Variants in SLC4A5 observed in about 807,000 individuals in gnomAD.
The protein encoded by SLC4A5 is electrogenic sodium bicarbonate cotransporter 4.
In SLC4A5, 96 loss-of-function variants were observed where a neutral mutation model predicts 120.4. The observed-to-expected ratio is 0.80, with a 90% confidence interval of 0.68 to 0.94. The LOEUF (loss-of-function observed/expected upper bound fraction) is 0.94. Ranked by LOEUF, SLC4A5 falls within the 40% of genes least tolerant of loss-of-function variation. The pLI, the probability that SLC4A5 is intolerant of heterozygous loss-of-function variation, is 0.00. For missense variants in SLC4A5, 1,259 were observed against 1,459.5 expected, an observed-to-expected ratio of 0.86 and a Z score of 2.24; for synonymous variants, 550 against 571.1, an observed-to-expected ratio of 0.96 and a Z score of 0.53.
chr2:74,264,330 G>A (rs1250281667), intron 9 of SLC4A5, 31 bp from the exon 10 acceptor site: 5 of 1,603,770 alleles, frequency 3.1e-6, no homozygotes, highest in African/African-American at 2.7e-5. Flanking sequence ...CCTCATCCCT[G>A]TGGGACAGAA....
chr2:74,339,346 T>C (rs1339179977), intron 2 of SLC4A5: 1 of 152,182 alleles, frequency 6.6e-6, no homozygotes, highest in African/African-American at 2.4e-5. Context: ...CATTTACCTA[T>C]GTAACAAACC....
At chr2:74,244,205 G>C (rs902303185) in intron 19 of SLC4A5, among the ~76,000 whole-genome samples, 1 of 152,158 alleles carries the variant, frequency 6.6e-6, no homozygotes, top group East Asian at 1.9e-4. Context: ...TTTCTGTGAA[G>C]AAACTGAAAT....
At chr2:74,314,021 G>T (rs891939638) in intron 6 of SLC4A5, among the ~76,000 whole-genome samples, 1 of 152,150 alleles carries the variant, frequency 6.6e-6, no homozygotes, top group African/African-American at 2.4e-5. Flanking sequence ...CTTCTGAAAA[G>T]ATAGAATGGG....
At chr2:74,254,832 TTG>T in intron 13 of SLC4A5, 126 bp from the exon 14 acceptor site, 1 of 693,278 alleles carries the variant, frequency 1.4e-6, no homozygotes, top group Non-Finnish European at 2.4e-6. Flanking sequence ...TTTTTTTTTT[TTG>T]AGACAGGGTC....
chr2:74,222,432 AC>A (rs1246257621), intron 29 of SLC4A5, among the ~76,000 whole-genome samples: 1 of 152,170 alleles, frequency 6.6e-6, no homozygotes, highest in Non-Finnish European at 1.5e-5. Context: ...TCTGCCAAGG[AC>A]AAAGGTCTTC....
rs148850519 is a variant in SLC4A5 at position 74,304,949 on chromosome 2, G to T, written c.80-269C>A. Reference sequence around the variant, plus strand: ...CCATTCCCCCGTTCTTGCTTGTCCGGAACAGTGATTACTGGATATGGCTTA... The same window carrying T: ...CCATTCCCCCGTTCTTGCTTGTCCGTAACAGTGATTACTGGATATGGCTTA... On this transcript the variant is annotated intron_variant, in intron 6 of 30. Transcript: ENST00000394019. 5.0e-3 allele frequency among the ~76,000 whole-genome samples: 763 copies of T among 152,262 alleles called. 5 individuals carry two copies. Among genetic ancestry groups the T allele is most frequent in the Non-Finnish European group, 7.0e-3 (476 of 68,016 alleles).
intron 8 of SLC4A5, among the ~76,000 whole-genome samples, chr2:74,276,251 C>T (rs1671636813): frequency 6.6e-6 from 1 of 152,104 alleles, no homozygotes; most frequent in Admixed American, 6.5e-5. Context: ...TCTGTCTGGC[C>T]ATTAACTGAA....
chr2:74,304,550 C>A (rs1378763309), exon 7 of SLC4A5: 3 of 1,614,212 alleles, frequency 1.9e-6, no homozygotes, highest in Non-Finnish European at 2.5e-6. Context: ...CTGGGCCAGT[C>A]AGTTCCTGCT....
In SLC4A5 at chr2:74,304,640, G is replaced by T. The variant is rs763906856; in HGVS notation, c.120C>A (p.Tyr40Ter). The change falls in exon 7 of 31, where the codon TAC (tyrosine) becomes TAA (stop). Residue 40 changes from tyrosine to a stop codon, truncating the protein, a stop_gained. Transcript: ENST00000394019. LOFTEE classifies it high-confidence loss of function. ...CCTTCTGGTCAGTTTTTCTTTGAGG[G>T]TAAGTGGGTACTGGAAGCCCAATGT... 1.2e-6 allele frequency: 2 copies of T among 1,614,136 alleles called. No individual in the cohort carries two copies. Among genetic ancestry groups the T allele is most frequent in the South Asian group, 1.1e-5 (1 of 91,060 alleles).
chr2:74,225,968 C>T (rs1694828423), intron 27 of SLC4A5, among the ~76,000 whole-genome samples: 1 of 152,218 alleles, frequency 6.6e-6, no homozygotes, highest in African/African-American at 2.4e-5. Flanking sequence ...GAACAGTACT[C>T]AGTAAATGCT....
chr2:74,320,304 G>A (rs980313101), intron 5 of SLC4A5, among the ~76,000 whole-genome samples: 7 of 151,966 alleles, frequency 4.6e-5, no homozygotes, highest in Non-Finnish European at 1.0e-4. Context: ...AAGAACTTTC[G>A]ATCAGCTCAG....
At chr2:74,284,062 G>C (rs563389147) in intron 8 of SLC4A5, among the ~76,000 whole-genome samples, 3 of 151,732 alleles carry the variant, frequency 2.0e-5, no homozygotes, top group Non-Finnish European at 4.4e-5. Flanking sequence ...TGTCCAGGCT[G>C]GTCTTGAACT....
chr2:74,263,934 T>C (rs1335673489), intron 10 of SLC4A5, among the ~76,000 whole-genome samples: 1 of 152,236 alleles, frequency 6.6e-6, no homozygotes, highest in Non-Finnish European at 1.5e-5. Flanking sequence ...GGGAACCAAC[T>C]CTCTCCCTAG....
chr2:74,243,081 A>G (rs1032764647), intron 19 of SLC4A5, among the ~76,000 whole-genome samples: 11 of 152,190 alleles, frequency 7.2e-5, no homozygotes, highest in Non-Finnish European at 1.6e-4. Flanking sequence ...AGAATCGGGA[A>G]CCCAAAGGTG....
chr2:74,325,633 G>T (rs550070747), intron 5 of SLC4A5, among the ~76,000 whole-genome samples: 63 of 152,250 alleles, frequency 4.1e-4, no homozygotes, highest in Non-Finnish European at 7.1e-4. Context: ...CATATAATGT[G>T]TATTAGTTGA....
intron 16 of SLC4A5, 127 bp downstream of exon 16, chr2:74,252,052 G>C: frequency 9.9e-7 from 1 of 1,011,536 alleles, no homozygotes. Flanking sequence ...GGCTCTGGGA[G>C]GGAAAGAAGG....
At chr2:74,318,439 C>A (rs12615023) in intron 5 of SLC4A5, among the ~76,000 whole-genome samples, 20,533 of 152,160 alleles carry the variant, frequency 0.13, 1,790 homozygotes, top group East Asian at 0.47. Flanking sequence ...AATCCCAGCA[C>A]TTTGGGAGGC....
At chr2:74,338,269 G>A (rs1490867023) in intron 3 of SLC4A5, among the ~76,000 whole-genome samples, 1 of 152,044 alleles carries the variant, frequency 6.6e-6, no homozygotes, top group Non-Finnish European at 1.5e-5. Context: ...CATGGATGGG[G>A]GTTTGTCTCT....
chr2:74,246,960 T>C lies in SLC4A5; in HGVS notation c.2059+76A>G. 2.6e-6 allele frequency: 4 copies of C among 1,553,260 alleles called. No individual in the cohort carries two copies. The South Asian group carries it at 3.6e-5, about 14-fold the overall frequency. ...AATGGCCCCTCCCCAGCAGTAGAAG[T>C]AGAGAGCTGTGGTGAAGGATCAGGG... is the stretch of plus-strand genomic sequence containing the variant. On this transcript the variant is annotated intron_variant, in intron 19 of 30. Coordinates refer to ENST00000394019, the Ensembl canonical transcript of SLC4A5.
Sources: allele counts gnomAD v4.1 joint callset (sites outside exome capture counted in the v4.1 genomes callset), GRCh38; gene constraint gnomAD v4.1.1; transcripts MANE v1.5; gene names NCBI Gene and HGNC (gene_info 2026-07-23, HGNC 2026-07-21).